Variants in PECAM1 observed in about 807,000 individuals in gnomAD.
PECAM1 encodes the protein platelet and endothelial cell adhesion molecule 1.
Under a neutral mutation model 13.8 loss-of-function variants are expected in PECAM1, and 8 were observed. The observed-to-expected ratio is 0.58, with a 90% CI of 0.34 to 1.05. PECAM1 has a LOEUF of 1.05. PECAM1 is among the 50% of genes least tolerant of loss of function. The pLI is 0.03. For missense variants in PECAM1, 304 were observed against 141.2 expected, an observed-to-expected ratio of 2.15 and a Z score of -5.84; for synonymous variants, 136 against 52.6, an observed-to-expected ratio of 2.58 and a Z score of -6.86.
At chr17:64,341,238 T>C (rs2035421298) in intron 14 of PECAM1, among the ~76,000 whole-genome samples, 1 of 150,622 alleles carries the variant, frequency 6.6e-6, no homozygotes, top group Non-Finnish European at 1.5e-5. Context: ...CACTCCAGCC[T>C]GAGTGACAGA....
At chr17:64,342,598 G>T (rs1215747838) in intron 13 of PECAM1, among the ~76,000 whole-genome samples, 1 of 152,078 alleles carries the variant, frequency 6.6e-6, no homozygotes, top group Non-Finnish European at 1.5e-5. Flanking sequence ...ATTGGTCTGG[G>T]GGGGTCCCTG....
At chr17:64,357,540 T>C (rs1343979991) in intron 7 of PECAM1, among the ~76,000 whole-genome samples, 1 of 152,200 alleles carries the variant, frequency 6.6e-6, no homozygotes, top group South Asian at 2.1e-4. Flanking sequence ...GCAGATGGTA[T>C]TGTAACTTAT....
chr17:64,364,915 A>G (rs1431644546), intron 5 of PECAM1, among the ~76,000 whole-genome samples: 1 of 150,444 alleles, frequency 6.6e-6, no homozygotes, highest in Non-Finnish European at 1.5e-5. Flanking sequence ...CTGGCACAAG[A>G]CAGGGATGCC....
chr17:64,353,556 A>T (rs1273986852), intron 9 of PECAM1, 38 bp from the exon 10 acceptor site: 2 of 462,248 alleles, frequency 4.3e-6, no homozygotes, highest in Non-Finnish European at 7.9e-6. Context: ...GTCAGTATAC[A>T]GTACCCACAT....
intron 4 of PECAM1, among the ~76,000 whole-genome samples, chr17:64,372,853 T>C (rs2036271610): frequency 6.6e-6 from 1 of 150,690 alleles, no homozygotes; most frequent in Non-Finnish European, 1.5e-5. Flanking sequence ...TGGCGGCTCA[T>C]GCCTGTAATC....
At position 64,328,497 on chromosome 17, in the gene PECAM1, C is replaced by T. The variant is rs78289848; in HGVS notation, c.2187+1203G>A. Among the ~76,000 whole-genome samples, 150 of 152,326 alleles carry T rather than the reference C, an allele frequency of 9.8e-4. 2 individuals carry two copies. Among genetic ancestry groups the T allele is most frequent in the Admixed American group, 8.5e-3 (130 of 15,296 alleles). ...TCAGTTTCCTCATCTGTAAATTGGG[C>T]TCCTTGTCCCAGTGACACGATAGTC... On this transcript the variant is annotated intron_variant, in intron 15 of 15. Coordinates refer to ENST00000563924, the MANE Select transcript of PECAM1 (RefSeq NM_000442.5).
At chr17:64,388,331 A>G (rs1479167255) in intron 2 of PECAM1, among the ~76,000 whole-genome samples, 1 of 152,038 alleles carries the variant, frequency 6.6e-6, no homozygotes, top group Non-Finnish European at 1.5e-5. Context: ...GGAGTGGACA[A>G]AGGGAGAGTG....
intron 14 of PECAM1, among the ~76,000 whole-genome samples, chr17:64,331,677 G>A (rs2035124906): frequency 6.6e-6 from 1 of 152,248 alleles, no homozygotes; most frequent in African/African-American, 2.4e-5. Flanking sequence ...TCCTATGAGA[G>A]GCAAGTGACG....
intron 15 of PECAM1, 86 bp from the exon 16 acceptor site, chr17:64,323,931 C>T: frequency 3.8e-6 from 3 of 787,996 alleles, no homozygotes; most frequent in African/African-American, 1.7e-5. Context: ...AAAATGACAG[C>T]ACTTCTCAAA....
At chr17:64,348,785 C>A (rs1364840539) in intron 12 of PECAM1, among the ~76,000 whole-genome samples, 1 of 152,104 alleles carries the variant, frequency 6.6e-6, no homozygotes, top group Admixed American at 6.6e-5. Flanking sequence ...GAGGGGGCAG[C>A]CAGACACAGG....
At chr17:64,361,658 C>T (rs2035983636) in intron 6 of PECAM1, among the ~76,000 whole-genome samples, 1 of 141,016 alleles carries the variant, frequency 7.1e-6, no homozygotes, top group Non-Finnish European at 1.5e-5. Context: ...GAGGCTGAGG[C>T]AGGAGAATCG....
intron 13 of PECAM1, among the ~76,000 whole-genome samples, chr17:64,343,423 G>T (rs1259930160): frequency 6.6e-6 from 1 of 152,156 alleles, no homozygotes; most frequent in African/African-American, 2.4e-5. Context: ...TCCACAGCAT[G>T]TTGGTGACAT....
chr17:64,342,331 C>G (rs2035454975), intron 13 of PECAM1, among the ~76,000 whole-genome samples: 1 of 152,136 alleles, frequency 6.6e-6, no homozygotes, highest in African/African-American at 2.4e-5. Context: ...TTGCTGGCCC[C>G]ACTCCTCTTC....
At chr17:64,347,037 A>G (rs1169260529) in intron 13 of PECAM1, among the ~76,000 whole-genome samples, 7 of 152,218 alleles carry the variant, frequency 4.6e-5, no homozygotes, top group Non-Finnish European at 7.3e-5. Context: ...GTAAGTGCTC[A>G]ATAAATCTTA....
intron 14 of PECAM1, among the ~76,000 whole-genome samples, chr17:64,339,433 A>G (rs987429254): frequency 6.6e-6 from 1 of 152,146 alleles, no homozygotes; most frequent in Non-Finnish European, 1.5e-5. Context: ...ATAAGTGCTC[A>G]AATAGGAGAT....
chr17:64,322,394 C>CA lies in PECAM1; in HGVS notation c.*1421dup, dbSNP rs1255015226. ...AGAGCGAATCTCCGTCTCAAAACAA[C>CA]AAAACAAAAACATAGACCTGCTCGG... On this transcript the variant is annotated 3_prime_UTR_variant, in exon 16 of 16. Coordinates refer to ENST00000563924, the MANE Select transcript of PECAM1 (RefSeq NM_000442.5). 1 of 986,600 alleles carries CA rather than the reference C, an allele frequency of 1.0e-6. No homozygotes were observed. The highest frequency in any genetic ancestry group is 1.7e-5 in the African/African-American group (1 of 57,312). 61.1% of individuals were successfully genotyped at this position (986,600 alleles called of 1,614,324 possible).
intron 2 of PECAM1, among the ~76,000 whole-genome samples, chr17:64,380,906 G>A (rs1454147149): frequency 6.6e-6 from 1 of 152,152 alleles, no homozygotes; most frequent in Non-Finnish European, 1.5e-5. Flanking sequence ...GGAATCACTT[G>A]AACCTGGGAG....
At chr17:64,382,530 G>A (rs2036503358) in intron 2 of PECAM1, among the ~76,000 whole-genome samples, 1 of 152,042 alleles carries the variant, frequency 6.6e-6, no homozygotes, top group Non-Finnish European at 1.5e-5. Flanking sequence ...AAATAAAGTC[G>A]ACTCTTTTTT....
chr17:64,331,860 G>A (rs573045808), intron 14 of PECAM1, among the ~76,000 whole-genome samples: 1 of 152,336 alleles, frequency 6.6e-6, no homozygotes, highest in East Asian at 1.9e-4. Flanking sequence ...GGGCATTGGG[G>A]ATGGTTGCTG....
Sources: gnomAD v4.1 joint callset for allele counts (sites outside exome capture counted in the v4.1 genomes callset) on GRCh38, gnomAD v4.1.1 for gene constraint, MANE v1.5 for transcripts, NCBI Gene and HGNC (gene_info 2026-07-23, HGNC 2026-07-21) for gene names.